Variants in GREM2 observed in about 807,000 individuals in gnomAD.
GREM2 encodes the protein gremlin 2, DAN family BMP antagonist.
Under a neutral mutation model 14.2 loss-of-function variants are expected in GREM2, and 11 were observed. The ratio of observed to expected loss-of-function variants is 0.78; its 90% CI spans 0.49 to 1.28. The LOEUF is 1.28. Ranked by LOEUF, GREM2 falls within the 50% of genes most tolerant of loss-of-function variation. The pLI is 0.00. For missense variants in GREM2, 210 were observed against 218.5 expected (o/e 0.96, Z 0.24); for synonymous variants, 98 against 97.6 (o/e 1.00, Z -0.02).
At chr1:240,587,630 T>A (rs1379376628) in intron 1 of GREM2, among the ~76,000 whole-genome samples, 1 of 152,164 alleles carries the variant, frequency 6.6e-6, no homozygotes, top group Admixed American at 6.6e-5. Flanking sequence ...CGTTTTCACT[T>A]TTATGAGCAT....
At chr1:240,604,119 G>A (rs1484785038) in intron 1 of GREM2, among the ~76,000 whole-genome samples, 2 of 151,824 alleles carry the variant, frequency 1.3e-5, no homozygotes, top group African/African-American at 4.8e-5. Flanking sequence ...GAGCTTTCAA[G>A]TGAATGAATG....
At chr1:240,536,342 G>T (rs1454350756) in intron 1 of GREM2, among the ~76,000 whole-genome samples, 2 of 152,088 alleles carry the variant, frequency 1.3e-5, no homozygotes, top group South Asian at 4.1e-4. Flanking sequence ...GGGAAGAAAG[G>T]GTCATGCAGC....
chr1:240,607,899 G>A (rs1171095842), intron 1 of GREM2, among the ~76,000 whole-genome samples: 4 of 152,176 alleles, frequency 2.6e-5, no homozygotes, highest in Non-Finnish European at 5.9e-5. Flanking sequence ...GCAAGAATGT[G>A]TGAAATAAAC....
chr1:240,498,307 G>A (rs1035822069), intron 1 of GREM2, among the ~76,000 whole-genome samples: 4 of 152,200 alleles, frequency 2.6e-5, no homozygotes, highest in African/African-American at 7.2e-5. Context: ...AGGAAATCTC[G>A]ATGACTGGGG....
intron 1 of GREM2, among the ~76,000 whole-genome samples, chr1:240,510,088 G>A (rs1419275507): frequency 1.3e-5 from 2 of 152,050 alleles, no homozygotes; most frequent in African/African-American, 4.8e-5. Context: ...GCAAATGGTA[G>A]GCCGGGTGCG....
chr1:240,534,844 G>A (rs1394070094), intron 1 of GREM2, among the ~76,000 whole-genome samples: 2 of 152,148 alleles, frequency 1.3e-5, no homozygotes, highest in African/African-American at 4.8e-5. Flanking sequence ...TGGGCGGGAA[G>A]AAGGGACAGA....
chr1:240,565,538 C>T (rs1042054438), intron 1 of GREM2, among the ~76,000 whole-genome samples: 1 of 151,998 alleles, frequency 6.6e-6, no homozygotes, highest in Non-Finnish European at 1.5e-5. Flanking sequence ...TACGATCATT[C>T]CAAATAAGTA....
At chr1:240,587,536 G>T (rs1332335994) in intron 1 of GREM2, among the ~76,000 whole-genome samples, 1 of 151,930 alleles carries the variant, frequency 6.6e-6, no homozygotes, top group Non-Finnish European at 1.5e-5. Context: ...TGCCCAGGCT[G>T]GTCTTGAACT....
Position 240,537,006 on chromosome 1 carries a change from C to A in GREM2, c.-1-43530G>T, listed in dbSNP as rs1278648755. Among the ~76,000 whole-genome samples the A allele has an allele frequency of 2.0e-5, 3 of 152,256 alleles. No individual in the cohort carries two copies. In the East Asian group the frequency reaches 5.8e-4, roughly 29 times the overall value. On this transcript the variant is annotated intron_variant, in intron 1 of 1. Coordinates refer to ENST00000318160, the MANE Select transcript of GREM2 (RefSeq NM_022469.4). ...TACTAAAGAAGATAAACTGGAATGA[C>A]CAATTAATTCCTAAGACTTAGATAC...
At chr1:240,538,689 T>G (rs1302527556) in intron 1 of GREM2, among the ~76,000 whole-genome samples, 1 of 152,132 alleles carries the variant, frequency 6.6e-6, no homozygotes, top group East Asian at 1.9e-4. Flanking sequence ...CTCACTACCC[T>G]CCAGCCTGGG....
chr1:240,547,308 G>T (rs1678750252), intron 1 of GREM2, among the ~76,000 whole-genome samples: 1 of 151,736 alleles, frequency 6.6e-6, no homozygotes. Context: ...AGACCATCCT[G>T]GCTAACACTG....
intron 1 of GREM2, among the ~76,000 whole-genome samples, chr1:240,493,738 C>T (rs1486887252): frequency 2.0e-5 from 3 of 152,018 alleles, no homozygotes; most frequent in South Asian, 2.1e-4. Flanking sequence ...ACCATGTTAC[C>T]CAGGCTGGTC....
At chr1:240,519,235 A>G (rs1678020565) in intron 1 of GREM2, among the ~76,000 whole-genome samples, 1 of 152,200 alleles carries the variant, frequency 6.6e-6, no homozygotes, top group African/African-American at 2.4e-5. Flanking sequence ...ATATAAAATT[A>G]TAATTGGAAG....
At chr1:240,554,434 G>A (rs1409715935) in intron 1 of GREM2, among the ~76,000 whole-genome samples, 1 of 151,400 alleles carries the variant, frequency 6.6e-6, no homozygotes, top group Non-Finnish European at 1.5e-5. Flanking sequence ...AAAAGATGAG[G>A]TCTCACTATG....
At position 240,540,065 on chromosome 1, in the gene GREM2, T is replaced by C. The variant is rs1019328009; in HGVS notation, c.-1-46589A>G. Among the ~76,000 whole-genome samples, 1 of 152,220 alleles carries C rather than the reference T, an allele frequency of 6.6e-6. No homozygotes were observed. The highest frequency in any genetic ancestry group is 1.5e-5 in the Non-Finnish European group (1 of 68,036). On this transcript the variant is annotated intron_variant, in intron 1 of 1. Coordinates refer to ENST00000318160, the MANE Select transcript of GREM2 (RefSeq NM_022469.4). This position sits in a 1 kb window ranked among gnomAD's most constrained non-coding sequence, Gnocchi z 4.2. Reference sequence around the variant, plus strand: ...TCTGTCTTATGACATTAGCTTGGCATAGCTGACAGCCACTCTGTTCCTATA... The same window carrying C: ...TCTGTCTTATGACATTAGCTTGGCACAGCTGACAGCCACTCTGTTCCTATA...
At chr1:240,601,694 G>T (rs1679928148) in intron 1 of GREM2, among the ~76,000 whole-genome samples, 1 of 152,100 alleles carries the variant, frequency 6.6e-6, no homozygotes, top group South Asian at 2.1e-4. Context: ...CTCTCCTGAG[G>T]TCAGGAGTTC....
intron 1 of GREM2, among the ~76,000 whole-genome samples, chr1:240,536,860 C>T (rs1231553166): frequency 6.6e-6 from 1 of 152,150 alleles, no homozygotes; most frequent in Non-Finnish European, 1.5e-5. Flanking sequence ...GCTATTTGGG[C>T]TGAACAGAAG....
At chr1:240,557,375 T>G (rs1678969364) in intron 1 of GREM2, among the ~76,000 whole-genome samples, 1 of 151,976 alleles carries the variant, frequency 6.6e-6, no homozygotes, top group African/African-American at 2.4e-5. Flanking sequence ...CACACTAATT[T>G]TCAGTAGTGT....
intron 1 of GREM2, among the ~76,000 whole-genome samples, chr1:240,546,529 C>T (rs1678723855): frequency 6.6e-6 from 1 of 152,096 alleles, no homozygotes; most frequent in Non-Finnish European, 1.5e-5. Flanking sequence ...ATTATCTCTG[C>T]CTCCGCCATG....
Sources: gnomAD v4.1 joint callset for allele counts (sites outside exome capture counted in the v4.1 genomes callset) on GRCh38, gnomAD v4.1.1 for gene constraint, Gnocchi (gnomAD v3.1) non-coding constraint, MANE v1.5 for transcripts, NCBI Gene and HGNC (gene_info 2026-07-23, HGNC 2026-07-21) for gene names.